The following AFF3 variants were observed in gnomAD, a reference collection of about 807,000 sequenced individuals.
The protein encoded by AFF3 is ALF transcription elongation factor 3.
In AFF3, 32 loss-of-function variants were observed where a neutral mutation model predicts 129.7. The ratio of observed to expected loss-of-function variants is 0.25; its 90% CI spans 0.19 to 0.33. AFF3 has a LOEUF of 0.33. AFF3 is among the 10% of genes least tolerant of loss of function. The pLI, the probability that AFF3 is intolerant of heterozygous loss-of-function variation, is 1.00. For synonymous variants in AFF3, 644 were observed against 635.4 expected (o/e 1.01, Z -0.20); for missense variants, 1,373 against 1,592.0 (o/e 0.86, Z 2.34).
At chr2:99,973,095 T>C (rs1000354056) in intron 7 of AFF3, among the ~76,000 whole-genome samples, 28 of 152,330 alleles carry the variant, frequency 1.8e-4, no homozygotes, top group African/African-American at 5.8e-4. Context: ...CTGTAATTGT[T>C]TTCCCTGGTT....
At chr2:99,630,235 C>T (rs541674897) in intron 13 of AFF3, among the ~76,000 whole-genome samples, 44 of 152,264 alleles carry the variant, frequency 2.9e-4, no homozygotes, top group African/African-American at 1.0e-3. Flanking sequence ...GATGAGGATG[C>T]GCTGCATGAA....
Position 99,667,538 on chromosome 2 carries a change from C to A in AFF3, c.1143+5000G>T, listed in dbSNP as rs928267518. 1.1e-4 allele frequency among the ~76,000 whole-genome samples: 16 copies of A among 152,094 alleles called. No individual in the cohort carries two copies. The East Asian group carries it at 2.3e-3, about 22-fold the overall frequency. The stretch of plus-strand genomic sequence containing the variant: ...ATCAGTGAAACTGAAACAGAAAAAA[C>A]AAATAGATAATATTAATGAAACAAC... On this transcript the variant is annotated intron_variant, in intron 12 of 24. Transcript: ENST00000672756.
intron 5 of AFF3, 142 bp downstream of exon 5, chr2:100,008,670 G>A: frequency 2.0e-6 from 2 of 1,021,666 alleles, no homozygotes; most frequent in Non-Finnish European, 2.8e-6. Context: ...CCCCGTACTT[G>A]GTGGCTGAGC....
chr2:99,727,072 C>T lies in AFF3; in HGVS notation c.1091+5G>A. 3 of 1,604,038 alleles carry T rather than the reference C, an allele frequency of 1.9e-6. No homozygotes were observed. Among genetic ancestry groups the T allele is most frequent in the Non-Finnish European group, 2.5e-6 (3 of 1,176,498 alleles). On this transcript the variant is annotated splice_donor_5th_base_variant and intron_variant, in intron 11 of 24. Coordinates refer to ENST00000672756, the MANE Select transcript of AFF3 (RefSeq NM_001386135.1). The stretch of plus-strand genomic sequence containing the variant: ...CATCTCTGATAGAAAATGAAAGAAA[C>T]TTACGATGTATTCGATGTGCCATTG...
intron 18 of AFF3, among the ~76,000 whole-genome samples, chr2:99,573,627 A>G (rs927700043): frequency 6.6e-6 from 1 of 152,164 alleles, no homozygotes; most frequent in Non-Finnish European, 1.5e-5. Context: ...TAGCTCTGAG[A>G]CTGCTGTGCA....
At chr2:99,806,059 A>G (rs1576037897) in intron 8 of AFF3, among the ~76,000 whole-genome samples, 1 of 149,860 alleles carries the variant, frequency 6.7e-6, no homozygotes, top group Admixed American at 6.7e-5. Flanking sequence ...GAGATGATAG[A>G]AAAAAAAAAG....
At chr2:100,137,516 T>C (rs1692683406) in intron 1 of AFF3, among the ~76,000 whole-genome samples, 1 of 150,028 alleles carries the variant, frequency 6.7e-6, no homozygotes, top group African/African-American at 2.5e-5. Context: ...TGCGTGCATG[T>C]GTGCACGTGC....
At chr2:99,970,978 T>C (rs1444293808) in intron 7 of AFF3, among the ~76,000 whole-genome samples, 1 of 152,222 alleles carries the variant, frequency 6.6e-6, no homozygotes, top group East Asian at 1.9e-4. Context: ...TGAAATATCT[T>C]TCCTGCCTGA....
At chr2:100,118,684 C>T (rs1449477940) in intron 2 of AFF3, among the ~76,000 whole-genome samples, 1 of 152,034 alleles carries the variant, frequency 6.6e-6, no homozygotes, top group Non-Finnish European at 1.5e-5. Context: ...TTTTTGGCCC[C>T]TGGGAATACC....
chr2:99,606,074 A>T (rs1680301049), intron 13 of AFF3, among the ~76,000 whole-genome samples: 1 of 152,164 alleles, frequency 6.6e-6, no homozygotes, highest in Non-Finnish European at 1.5e-5. Flanking sequence ...GCTTTAAAAA[A>T]ATTAACTTAA....
chr2:99,550,836 G>C lies in AFF3; in HGVS notation c.*638C>G, dbSNP rs1575320234. On this transcript the variant is annotated 3_prime_UTR_variant, in exon 25 of 25. Coordinates refer to ENST00000672756, the MANE Select transcript of AFF3 (RefSeq NM_001386135.1). ...TGATAATAGAGTCAGATGGGGGAAG[G>C]GAATTAGAGGAAGAGCAGGGTATTT... is the stretch of plus-strand genomic sequence containing the variant. 14 of 236,962 alleles carry C rather than the reference G, an allele frequency of 5.9e-5. No homozygotes were observed. The East Asian group carries it at 8.4e-4, about 14-fold the overall frequency. The allele number at this position is 236,962 out of a possible 1,614,324, so 14.7% of individuals were successfully genotyped here. A position where few individuals can be genotyped will look rare whatever the true frequency, so the allele number is the denominator to read the frequency against.
In AFF3 at chr2:99,948,817, TATCA is replaced by T. The variant is rs1386321928; in HGVS notation, c.873+57811_873+57814del. Among the ~76,000 whole-genome samples, 5 of 152,254 alleles carry T rather than the reference TATCA, an allele frequency of 3.3e-5. No individual in the cohort carries two copies. The East Asian group carries it at 9.6e-4, about 29-fold the overall frequency. On this transcript the variant is annotated intron_variant, in intron 7 of 24. Coordinates refer to ENST00000672756, the MANE Select transcript of AFF3 (RefSeq NM_001386135.1). The stretch of plus-strand genomic sequence containing the variant: ...ACTAAAAACCCCCAACTGTCTTCTG[TATCA>T]TGAGCTCACAACAAGATCCAATCTT...
chr2:99,888,198 T>C (rs1035024573), intron 7 of AFF3, among the ~76,000 whole-genome samples: 22 of 152,112 alleles, frequency 1.4e-4, no homozygotes, highest in African/African-American at 4.8e-4. Flanking sequence ...AAATAAAACA[T>C]TGTAAAACTT....
intron 7 of AFF3, among the ~76,000 whole-genome samples, chr2:99,868,409 G>A (rs939134677): frequency 1.3e-5 from 2 of 152,082 alleles, no homozygotes; most frequent in Non-Finnish European, 2.9e-5. Context: ...ACATCAGGCC[G>A]GGAGGGGAGA....
At chr2:99,964,648 T>G (rs1299246741) in intron 7 of AFF3, among the ~76,000 whole-genome samples, 1 of 152,196 alleles carries the variant, frequency 6.6e-6, no homozygotes, top group Admixed American at 6.5e-5. Context: ...AATGCCTACA[T>G]TAGAATGAGG....
intron 2 of AFF3, among the ~76,000 whole-genome samples, chr2:100,117,329 G>A (rs1338716928): frequency 6.6e-6 from 1 of 151,932 alleles, no homozygotes; most frequent in Non-Finnish European, 1.5e-5. Flanking sequence ...TTACATTTTT[G>A]TCTTTTGAAA....
intron 12 of AFF3, among the ~76,000 whole-genome samples, chr2:99,655,076 C>T (rs1018994679): frequency 7.9e-5 from 12 of 152,108 alleles, no homozygotes; most frequent in African/African-American, 2.9e-4. Flanking sequence ...ACAGAACTTA[C>T]GCCTGGAGAG....
chr2:99,701,722 T>C (rs1676882626), intron 11 of AFF3, among the ~76,000 whole-genome samples: 1 of 152,218 alleles, frequency 6.6e-6, no homozygotes, highest in South Asian at 2.1e-4. Context: ...TATGTAATTT[T>C]ATCACACGTG....
chr2:100,056,949 G>C (rs11684692), intron 4 of AFF3, among the ~76,000 whole-genome samples: 23,737 of 152,082 alleles, frequency 0.16, 1,971 homozygotes, highest in South Asian at 0.2. Flanking sequence ...CTGAAGAAAT[G>C]GTAAAGCACT....
Sources: allele counts gnomAD v4.1 joint callset (sites outside exome capture counted in the v4.1 genomes callset), GRCh38; gene constraint gnomAD v4.1.1; transcripts MANE v1.5; gene names NCBI Gene and HGNC (gene_info 2026-07-23, HGNC 2026-07-21).